CLCN7: variants seen among roughly 807,000 people sequenced by gnomAD.
CLCN7 encodes H(+)/Cl(-) exchange transporter 7.
In CLCN7, 60 loss-of-function variants were observed where a neutral mutation model predicts 102.1. The observed-to-expected ratio is 0.59, with a 90% confidence interval of 0.48 to 0.73. The LOEUF (loss-of-function observed/expected upper bound fraction) is 0.73. CLCN7 is among the 30% of genes least tolerant of loss of function. The pLI is 0.00. For synonymous variants in CLCN7, 560 were observed against 490.5 expected (o/e 1.14, Z -1.87); for missense variants, 962 against 1,125.7 (o/e 0.85, Z 2.08).
rs774339021 is a variant in CLCN7, at chr16:1,455,841, C to T, written c.917-46G>A. 2.5e-6 allele frequency: 4 copies of T among 1,593,218 alleles called. No individual in the cohort carries two copies. The East Asian group carries it at 8.9e-5, about 36-fold the overall frequency. ...TCGGGTGCCAGCTGGACACAGGGCA[C>T]CATGCCCACCACCAACTCCCTCCCC... On this transcript the variant is annotated intron_variant, in intron 10 of 24. Transcript: ENST00000382745.
Position 1,457,379 on chromosome 16 carries a change from C to T in CLCN7, c.739-42G>A, listed in dbSNP as rs370466117. On this transcript the variant is annotated intron_variant, in intron 8 of 24. Coordinates refer to ENST00000382745, the MANE Select transcript of CLCN7 (RefSeq NM_001287.6). This position sits in a 1 kb window ranked among gnomAD's most constrained non-coding sequence, Gnocchi z 5.4. ...CCGGTGCTCAGAGACACGCGTGACG[C>T]GGCCCTTCCTGGAGACCAGAAGGAC... 174 of 1,567,296 alleles carry T rather than the reference C, an allele frequency of 1.1e-4. 1 individual carries two copies. The highest frequency in any genetic ancestry group is 7.6e-4 in the Admixed American group (45 of 59,446).
In CLCN7 at chr16:1,474,846, C is replaced by G. The variant is rs2039128979; in HGVS notation, c.129G>C (p.Gly43=). 2 of 1,390,650 alleles carry G rather than the reference C, an allele frequency of 1.4e-6. No individual in the cohort carries two copies. Among genetic ancestry groups the G allele is most frequent in the Non-Finnish European group, 1.9e-6 (2 of 1,071,846 alleles). The allele number at this position is 1,390,650 out of a possible 1,614,324, so 86.1% of individuals were successfully genotyped here. ...TGCCCGGCCTCACCTGGCGCGCAGC[C>G]CCAGGCCCAGCCCCGTTCAGCAGCG... The part of the protein sequence containing the change: ...GTPLLNGAGP[G]AARQSPRSAL... The change falls in exon 1 of 25, where the codon GGG becomes GGC. Residue 43 remains glycine, a synonymous_variant. Transcript: ENST00000382745.
At chr16:1,460,285 G>T in intron 6 of CLCN7, 133 bp downstream of exon 6, 1 of 716,814 alleles carries the variant, frequency 1.4e-6, no homozygotes, top group Non-Finnish European at 2.5e-6. Context: ...TCTGGACCAC[G>T]TGATTCTAAA....
rs535725812 is a variant in CLCN7, at chr16:1,465,906, C to T, written c.142-568G>A. 3.9e-5 allele frequency among the ~76,000 whole-genome samples: 6 copies of T among 152,342 alleles called. No homozygotes were observed. The South Asian group carries it at 1.2e-3, about 32-fold the overall frequency. On this transcript the variant is annotated intron_variant, in intron 1 of 24. Coordinates refer to ENST00000382745, the MANE Select transcript of CLCN7 (RefSeq NM_001287.6). ...CCAGCTCAGGGCAGGGGCAGGGCAG[C>T]GGGCCCTGGGTGGCGTGGTGCAGAT...
Position 1,447,636 on chromosome 16 carries a change from C to T in CLCN7, c.2073+19G>A, listed in dbSNP as rs991314104. 164 of 1,553,034 alleles carry T rather than the reference C, an allele frequency of 1.1e-4. No homozygotes were observed. The highest frequency in any genetic ancestry group is 1.4e-4 in the Non-Finnish European group (159 of 1,148,622). On this transcript the variant is annotated intron_variant, in intron 22 of 24. Coordinates refer to ENST00000382745, the MANE Select transcript of CLCN7 (RefSeq NM_001287.6). ...CCCGGGGCCCCCACCCGCCCAATGG[C>T]CCGGAGCCTGGCACGCACCTTGTGC...
intron 17 of CLCN7, chr16:1,449,623 T>G (rs951120960): frequency 2.1e-6 from 1 of 485,362 alleles, no homozygotes; most frequent in Non-Finnish European, 3.7e-6. Context: ...CCGTCCAGCA[T>G]GAGGAGTGAA....
At chr16:1,461,761 T>C (rs1010762428) in intron 2 of CLCN7, 87 bp from the exon 3 acceptor site, 2 of 1,093,626 alleles carry the variant, frequency 1.8e-6, no homozygotes, top group African/African-American at 1.5e-5. Context: ...GAGGCCATTA[T>C]CATCCCGACA....
At chr16:1,460,610 G>A (rs181519173) in intron 5 of CLCN7, 83 bp from the exon 6 acceptor site, 2 of 1,316,394 alleles carry the variant, frequency 1.5e-6, no homozygotes, top group East Asian at 2.3e-5. Context: ...AGACCAGCCT[G>A]GCAGATGCCA....
At chr16:1,462,810 C>A (rs986520866) in intron 2 of CLCN7, among the ~76,000 whole-genome samples, 13 of 151,932 alleles carry the variant, frequency 8.6e-5, no homozygotes, top group Non-Finnish European at 1.9e-4. Flanking sequence ...AACATTTCAA[C>A]AGAGAAAGGT....
chr16:1,445,590 G>C lies in CLCN7; in HGVS notation c.*1041C>G, dbSNP rs2038625592. 1 of 152,538 alleles carries C rather than the reference G, an allele frequency of 6.6e-6. No individual in the cohort carries two copies. The highest frequency in any genetic ancestry group is 6.5e-5 in the Admixed American group (1 of 15,296). 9.4% of individuals were successfully genotyped at this position (152,538 alleles called of 1,614,324 possible). A position where few individuals can be genotyped will look rare whatever the true frequency, so the allele number is the denominator to read the frequency against. On this transcript the variant is annotated 3_prime_UTR_variant, in exon 25 of 25. Transcript: ENST00000382745. ...CCCCAGACCCAGCCCAGCCAGGCCAGAGGAGCCTCCCAGGGGCCCTCAGGT... is the reference window on the plus strand; with the variant it reads ...CCCCAGACCCAGCCCAGCCAGGCCACAGGAGCCTCCCAGGGGCCCTCAGGT...
At chr16:1,458,648 C>T (rs2038877065) in intron 7 of CLCN7, among the ~76,000 whole-genome samples, 1 of 152,226 alleles carries the variant, frequency 6.6e-6, no homozygotes, top group Non-Finnish European at 1.5e-5. Context: ...GGAACGATGG[C>T]GGCACAGACA....
In CLCN7 at chr16:1,447,000, G is replaced by T; in HGVS notation, c.2331+6C>A. On this transcript the variant is annotated splice_donor_region_variant and intron_variant, in intron 24 of 24. Coordinates refer to ENST00000382745, the MANE Select transcript of CLCN7 (RefSeq NM_001287.6). ...GCATGCCTGCACCCCCACCGCCCCCGCTCACCTGATTGCGGTTGTCCACCA... is the reference window on the plus strand; with the variant it reads ...GCATGCCTGCACCCCCACCGCCCCCTCTCACCTGATTGCGGTTGTCCACCA... The T allele has an allele frequency of 1.3e-6, 2 of 1,581,046 alleles. No homozygotes were observed. Among genetic ancestry groups the T allele is most frequent in the Non-Finnish European group, 1.7e-6 (2 of 1,167,832 alleles).
At chr16:1,459,028 C>G in intron 7 of CLCN7, 79 bp downstream of exon 7, 1 of 1,239,224 alleles carries the variant, frequency 8.1e-7, no homozygotes, top group Non-Finnish European at 1.1e-6. Flanking sequence ...TTCTGGAAGG[C>G]AGGCAGCCAA....
chr16:1,456,028 G>T, intron 10 of CLCN7, 85 bp downstream of exon 10: 1 of 1,198,580 alleles, frequency 8.3e-7, no homozygotes, highest in South Asian at 1.3e-5. Flanking sequence ...CACCCTCAGC[G>T]GGCACTGGGC....
chr16:1,465,642 T>G (rs879434865), intron 1 of CLCN7, among the ~76,000 whole-genome samples: 11 of 152,114 alleles, frequency 7.2e-5, no homozygotes, highest in Non-Finnish European at 1.5e-4. Context: ...AAAGAAGGGC[T>G]GGACAACACG....
At chr16:1,448,623 T>C in intron 20 of CLCN7, 58 bp downstream of exon 20, 1 of 1,606,306 alleles carries the variant, frequency 6.2e-7, no homozygotes, top group Non-Finnish European at 8.5e-7. Flanking sequence ...ACCCTGCCCC[T>C]GTGCAACAAG....
chr16:1,449,036 T>G lies in CLCN7; in HGVS notation c.1727A>C (p.Asn576Thr). 1.2e-6 allele frequency: 2 copies of G among 1,612,882 alleles called. No individual in the cohort carries two copies. Among genetic ancestry groups the G allele is most frequent in the African/African-American group, 2.7e-5 (2 of 75,060 alleles). The change falls in exon 19 of 25, where the codon AAC (asparagine) becomes ACC (threonine). Residue 576 changes from asparagine (N) to threonine (T), a missense_variant. Physicochemically the swap from Asn to Thr is moderately conservative, Grantham distance 65. Transcript: ENST00000382745. ...CATGATGGGGAAGCCGTAGGTCACG[T>G]TGCTGGTGGCCTCCATCATGATGAC... is the stretch of plus-strand genomic sequence containing the variant. ...LTVIMMEATS[N>T]VTYGFPIMLV...
chr16:1,451,070 G>A (rs1468329846), intron 16 of CLCN7, among the ~76,000 whole-genome samples: 1 of 152,246 alleles, frequency 6.6e-6, no homozygotes, highest in Non-Finnish European at 1.5e-5. Context: ...TGTACTGCGT[G>A]CAGGGCGGGT....
intron 1 of CLCN7, among the ~76,000 whole-genome samples, chr16:1,468,578 C>A (rs531821155): frequency 2.0e-5 from 3 of 152,156 alleles, no homozygotes; most frequent in Non-Finnish European, 2.9e-5. Flanking sequence ...GCAACCTACA[C>A]GGTCCCAAGC....
Sources: allele counts gnomAD v4.1 joint callset (sites outside exome capture counted in the v4.1 genomes callset), GRCh38; gene constraint gnomAD v4.1.1; non-coding constraint Gnocchi (gnomAD v3.1); transcripts MANE v1.5; gene names NCBI Gene and HGNC (gene_info 2026-07-23, HGNC 2026-07-21).